Variants in RPH3AL observed in about 807,000 individuals in gnomAD.
RPH3AL encodes rab effector Noc2.
RPH3AL carries 38 observed loss-of-function variants against 43.1 expected under a neutral mutation model. The ratio of observed to expected loss-of-function variants is 0.88; its 90% CI spans 0.68 to 1.15. The LOEUF (loss-of-function observed/expected upper bound fraction) is 1.15. Among genes scored for constraint, RPH3AL ranks in the 50% most tolerant of loss-of-function variants. The pLI is 0.00. For synonymous variants in RPH3AL, 189 were observed against 176.3 expected, an observed-to-expected ratio of 1.07 and a Z score of -0.57; for missense variants, 462 against 423.2, an observed-to-expected ratio of 1.09 and a Z score of -0.81.
chr17:315,965 A>C (rs1555520021), intron 5 of RPH3AL, among the ~76,000 whole-genome samples: 1 of 144,552 alleles, frequency 6.9e-6, no homozygotes, highest in Non-Finnish European at 1.5e-5. Flanking sequence ...CTGTGACCCC[A>C]CCTCCACTGA....
rs866406354 is a variant in RPH3AL at position 314,797 on chromosome 17, C to T, written c.351+4623G>A. ...ACCCCACCTCCATTGACCTGTAGTC[C>T]CTGTACTCCACGTCCATTGACCTGT... On this transcript the variant is annotated intron_variant, in intron 5 of 9. Transcript: ENST00000331302. Among the ~76,000 whole-genome samples the T allele has an allele frequency of 2.6e-3, 369 of 143,810 alleles. 20 individuals carry two copies. The highest frequency in any genetic ancestry group is 7.9e-3 in the African/African-American group (278 of 35,278). The allele number at this position is 143,810 out of a possible 152,430, so 94.3% of individuals were successfully genotyped here.
At chr17:222,387 C>T (rs2041013203) in intron 7 of RPH3AL, among the ~76,000 whole-genome samples, 1 of 152,226 alleles carries the variant, frequency 6.6e-6, no homozygotes, top group South Asian at 2.1e-4. Context: ...GGCCTGGGCT[C>T]TCATCCCAGT....
At chr17:306,224 GC>G (rs538151463) in intron 5 of RPH3AL, among the ~76,000 whole-genome samples, 2,761 of 151,634 alleles carry the variant, frequency 0.018, 43 homozygotes, top group Non-Finnish European at 0.029. Context: ...CACATACCCA[GC>G]CCCCCTGGAA....
At chr17:286,410 C>T (rs1275826857) in intron 5 of RPH3AL, among the ~76,000 whole-genome samples, 1 of 150,686 alleles carries the variant, frequency 6.6e-6, no homozygotes, top group African/African-American at 2.5e-5. Context: ...TCAGCCATCC[C>T]CCTGCTGCTT....
intron 5 of RPH3AL, among the ~76,000 whole-genome samples, chr17:284,408 G>A (rs796497003): frequency 1.1e-4 from 17 of 152,340 alleles, no homozygotes; most frequent in African/African-American, 3.4e-4. Flanking sequence ...TCTCTAGAGA[G>A]CTGCTTCTGC....
intron 5 of RPH3AL, among the ~76,000 whole-genome samples, chr17:308,911 T>C (rs555012877): frequency 1.6e-4 from 24 of 152,274 alleles, no homozygotes; most frequent in African/African-American, 5.3e-4. Context: ...AGAATACTTC[T>C]CAGAGGTTAG....
chr17:297,873 G>A (rs1180688236), intron 5 of RPH3AL, among the ~76,000 whole-genome samples: 3 of 152,186 alleles, frequency 2.0e-5, no homozygotes, highest in Non-Finnish European at 4.4e-5. Context: ...CCGGGCCCTG[G>A]ACTAGCCAGC....
chr17:301,585 G>T (rs569332700), intron 5 of RPH3AL, among the ~76,000 whole-genome samples: 1 of 152,182 alleles, frequency 6.6e-6, no homozygotes, highest in East Asian at 1.9e-4. Flanking sequence ...GACTGCAGGG[G>T]CACAACCAGG....
rs553878074 is a variant in RPH3AL, at chr17:302,237, C to T, written c.351+17183G>A. On this transcript the variant is annotated intron_variant, in intron 5 of 9. Coordinates refer to ENST00000331302, the MANE Select transcript of RPH3AL (RefSeq NM_006987.4). Reference sequence around the variant, plus strand: ...CGCAGGCAGGCCCGAGAGAGTCTCTCGTCCAGCCTTTGCCTGTCACTGGAA... The same window carrying T: ...CGCAGGCAGGCCCGAGAGAGTCTCTTGTCCAGCCTTTGCCTGTCACTGGAA... Among the ~76,000 whole-genome samples the T allele has an allele frequency of 3.3e-5, 5 of 152,358 alleles. No individual in the cohort carries two copies. In the South Asian group the frequency reaches 6.2e-4, roughly 19 times the overall value.
intron 5 of RPH3AL, among the ~76,000 whole-genome samples, chr17:307,551 C>T (rs1346210671): frequency 1.3e-5 from 2 of 152,188 alleles, no homozygotes; most frequent in Admixed American, 1.3e-4. Context: ...CAGGGGCTGG[C>T]ATCTCTACCT....
intron 1 of RPH3AL, among the ~76,000 whole-genome samples, chr17:341,833 C>T (rs2045127660): frequency 6.6e-6 from 1 of 152,174 alleles, no homozygotes; most frequent in South Asian, 2.1e-4. Context: ...CAGGCATACA[C>T]CACTGTGCCT....
chr17:301,488 A>G (rs2043326184), intron 5 of RPH3AL, among the ~76,000 whole-genome samples: 1 of 152,032 alleles, frequency 6.6e-6, no homozygotes, highest in Non-Finnish European at 1.5e-5. Context: ...ATTTTTTTGT[A>G]GAGAGGGGGT....
At chr17:258,171 C>A (rs1025539781) in intron 6 of RPH3AL, among the ~76,000 whole-genome samples, 3 of 152,176 alleles carry the variant, frequency 2.0e-5, no homozygotes, top group African/African-American at 7.2e-5. Flanking sequence ...GTGCTTCCCC[C>A]TTTTCGCTGG....
intron 6 of RPH3AL, among the ~76,000 whole-genome samples, chr17:252,418 A>T (rs7223759): frequency 6.6e-6 from 1 of 152,008 alleles, no homozygotes; most frequent in Non-Finnish European, 1.5e-5. Flanking sequence ...TTCTTACACC[A>T]TTGCCTGGGA....
At chr17:339,462 T>G (rs1238073452) in intron 1 of RPH3AL, 1 of 152,324 alleles carries the variant, frequency 6.6e-6, no homozygotes, top group Admixed American at 6.5e-5. Context: ...GACCCTGCAC[T>G]ACCAAACTGG....
At position 327,564 on chromosome 17, in the gene RPH3AL, G is replaced by A. The variant is rs113478803; in HGVS notation, c.-21C>T. The A allele has an allele frequency of 5.0e-6, 8 of 1,612,110 alleles. No homozygotes were observed. Among genetic ancestry groups the A allele is most frequent in the Non-Finnish European group, 6.8e-6 (8 of 1,178,934 alleles). The stretch of plus-strand genomic sequence containing the variant: ...GCCATGGCTCGGAGCACCCGGCTGG[G>A]GGTGGGGAGTCACATCTGAGATGAA... On this transcript the variant is annotated 5_prime_UTR_variant, in exon 3 of 10. Transcript: ENST00000331302.
intron 5 of RPH3AL, among the ~76,000 whole-genome samples, chr17:308,049 G>T (rs1047499176): frequency 6.6e-6 from 1 of 152,174 alleles, no homozygotes; most frequent in Non-Finnish European, 1.5e-5. Flanking sequence ...GACTTTTTCC[G>T]GGAATTTAGG....
intron 5 of RPH3AL, among the ~76,000 whole-genome samples, chr17:315,688 C>T (rs2044042794): frequency 1.1e-4 from 16 of 152,360 alleles, no homozygotes; most frequent in East Asian, 1.9e-4. Flanking sequence ...CCTGTGACCC[C>T]ACCTCCATTG....
intron 8 of RPH3AL, among the ~76,000 whole-genome samples, chr17:216,388 G>A (rs530580011): frequency 4.9e-4 from 70 of 143,058 alleles, no homozygotes; most frequent in African/African-American, 1.7e-3. Flanking sequence ...GTGGGGGTGG[G>A]GGATATATAT....
Sources: allele counts gnomAD v4.1 joint callset (sites outside exome capture counted in the v4.1 genomes callset), GRCh38; gene constraint gnomAD v4.1.1; transcripts MANE v1.5; gene names NCBI Gene and HGNC (gene_info 2026-07-23, HGNC 2026-07-21).